Variants in ROBO2 observed in about 807,000 individuals in gnomAD.
ROBO2 encodes roundabout homolog 2.
A neutral mutation model predicts 160.8 loss-of-function variants in ROBO2; 53 were observed. The ratio of observed to expected loss-of-function variants is 0.33; its 90% CI spans 0.26 to 0.41. The LOEUF is 0.41. Among genes scored for constraint, ROBO2 ranks in the 10% least tolerant of loss-of-function variants. The pLI, the probability that ROBO2 is intolerant of heterozygous loss-of-function variation, is 1.00. For synonymous variants in ROBO2, 664 were observed against 611.7 expected (o/e 1.09, Z -1.26); for missense variants, 1,577 against 1,722.4 (o/e 0.92, Z 1.49).
At chr3:76,622,294 GAAAGAAAGAAA>G (rs2089263595) in intron 2 of ROBO2, among the ~76,000 whole-genome samples, 1 of 111,546 alleles carries the variant, frequency 9.0e-6, no homozygotes, top group Non-Finnish European at 1.9e-5. Context: ...AAGAAAGAAA[GAAAGAAAGAAA>G]GAAAGAAAAC....
At chr3:76,732,814 A>T (rs949503810) in intron 2 of ROBO2, among the ~76,000 whole-genome samples, 1 of 152,196 alleles carries the variant, frequency 6.6e-6, no homozygotes, top group Admixed American at 6.5e-5. Context: ...ACTTCTGTAT[A>T]TATGGCCAAT....
intron 2 of ROBO2, among the ~76,000 whole-genome samples, chr3:75,946,516 G>A (rs1479715478): frequency 6.6e-6 from 1 of 152,082 alleles, no homozygotes; most frequent in African/African-American, 2.4e-5. Flanking sequence ...AAGATTACAT[G>A]TGGTAACATG....
chr3:76,091,292 A>G (rs930166848), intron 2 of ROBO2, among the ~76,000 whole-genome samples: 14 of 152,224 alleles, frequency 9.2e-5, no homozygotes, highest in Non-Finnish European at 1.0e-4. Context: ...ACACCTCACT[A>G]AAGAAGATAT....
intron 2 of ROBO2, among the ~76,000 whole-genome samples, chr3:76,277,552 G>C (rs1251941496): frequency 6.6e-6 from 1 of 151,910 alleles, no homozygotes; most frequent in Admixed American, 6.6e-5. Flanking sequence ...AAGAAGCAAG[G>C]AGGGGGCAAA....
intron 2 of ROBO2, among the ~76,000 whole-genome samples, chr3:76,860,505 AT>A (rs1172218046): frequency 6.6e-6 from 1 of 151,878 alleles, no homozygotes; most frequent in Admixed American, 6.6e-5. Flanking sequence ...TTGTTTTTTA[AT>A]TGCTTATGTC....
chr3:76,685,111 A>G (rs1039709565), intron 2 of ROBO2, among the ~76,000 whole-genome samples: 4 of 151,866 alleles, frequency 2.6e-5, no homozygotes, highest in Non-Finnish European at 5.9e-5. Context: ...TGGTATAACC[A>G]TAACTAATTC....
At chr3:76,002,744 A>G (rs1054522162) in intron 2 of ROBO2, among the ~76,000 whole-genome samples, 6 of 152,150 alleles carry the variant, frequency 3.9e-5, no homozygotes, top group African/African-American at 1.4e-4. Flanking sequence ...AAACACCCAA[A>G]GCTTCAAGAC....
chr3:76,193,141 C>T (rs1339274539), intron 2 of ROBO2, among the ~76,000 whole-genome samples: 1 of 152,110 alleles, frequency 6.6e-6, no homozygotes, highest in Non-Finnish European at 1.5e-5. Flanking sequence ...CTTCTTTCTC[C>T]ACCCATCAGT....
intron 2 of ROBO2, among the ~76,000 whole-genome samples, chr3:76,718,353 T>C (rs936387638): frequency 2.6e-5 from 4 of 152,228 alleles, no homozygotes; most frequent in Non-Finnish European, 5.9e-5. Flanking sequence ...TTCTCACCGA[T>C]GAATTTTACA....
intron 2 of ROBO2, among the ~76,000 whole-genome samples, chr3:77,408,051 T>A (rs898123530): frequency 7.2e-5 from 11 of 151,948 alleles, no homozygotes; most frequent in African/African-American, 2.7e-4. Context: ...ATTATGCATT[T>A]GGATGTGTAT....
chr3:77,488,199 G>T (rs896863704), intron 4 of ROBO2, among the ~76,000 whole-genome samples: 1 of 152,108 alleles, frequency 6.6e-6, no homozygotes, highest in African/African-American at 2.4e-5. Context: ...AAACACACTG[G>T]CAAACAACAC....
rs1169307424 is a variant in ROBO2 at position 76,677,958 on chromosome 3, CTTTTTTTTTTTTTTT to C, written c.110-420041_110-420027del. On this transcript the variant is annotated intron_variant, in intron 2 of 26. Transcript: ENST00000487694. ...TTCTCTCACAGAGAAAGAAAATATG[CTTTTTTTTTTTTTTT>C]TTTTTTTTTTTTTTGAGATAGAGTC... is the stretch of plus-strand genomic sequence containing the variant. Among the ~76,000 whole-genome samples the C allele has an allele frequency of 1.2e-3, 36 of 29,398 alleles. 1 individual carries two copies. Among genetic ancestry groups the C allele is most frequent in the African/African-American group, 4.4e-3 (34 of 7,664 alleles). The allele number at this position is 29,398 out of a possible 152,430, so 19.3% of individuals were successfully genotyped here.
intron 24 of ROBO2, among the ~76,000 whole-genome samples, chr3:77,637,600 TA>T (rs2095285803): frequency 6.6e-6 from 1 of 152,208 alleles, no homozygotes; most frequent in Admixed American, 6.5e-5. Flanking sequence ...AGTGTTCATC[TA>T]ATTCTTCGTA....
chr3:77,562,830 G>A (rs1028572031), intron 10 of ROBO2, 98 bp downstream of exon 11: 3 of 910,052 alleles, frequency 3.3e-6, no homozygotes, highest in African/African-American at 1.6e-5. Flanking sequence ...TTAATTCACT[G>A]AATGTAAATT....
At chr3:76,918,103 G>C (rs1420715504) in intron 2 of ROBO2, among the ~76,000 whole-genome samples, 1 of 152,110 alleles carries the variant, frequency 6.6e-6, no homozygotes, top group Non-Finnish European at 1.5e-5. Context: ...AATAAAATAT[G>C]AACTATATTG....
At chr3:76,115,101 C>T (rs1458083979) in intron 2 of ROBO2, among the ~76,000 whole-genome samples, 1 of 152,084 alleles carries the variant, frequency 6.6e-6, no homozygotes, top group Non-Finnish European at 1.5e-5. Context: ...GGTTAGAACT[C>T]AACTTCGCAT....
intron 2 of ROBO2, among the ~76,000 whole-genome samples, chr3:76,538,859 C>T (rs548640212): frequency 3.9e-5 from 6 of 152,242 alleles, no homozygotes; most frequent in East Asian, 1.9e-4. Context: ...GAAAACCAAA[C>T]ATTTTACATT....
intron 2 of ROBO2, among the ~76,000 whole-genome samples, chr3:77,428,294 T>C (rs942848896): frequency 6.6e-6 from 1 of 151,604 alleles, no homozygotes; most frequent in Non-Finnish European, 1.5e-5. Flanking sequence ...ATACATAAAA[T>C]GTAATATTTT....
intron 1 of ROBO2, among the ~76,000 whole-genome samples, chr3:75,917,610 A>G (rs1946865750): frequency 6.6e-6 from 1 of 152,208 alleles, no homozygotes; most frequent in Admixed American, 6.5e-5. Context: ...AGGAATCACC[A>G]CATTGTCTTC....
Sources: allele counts gnomAD v4.1 joint callset (sites outside exome capture counted in the v4.1 genomes callset), GRCh38; gene constraint gnomAD v4.1.1; transcripts MANE v1.5; gene names NCBI Gene and HGNC (gene_info 2026-07-23, HGNC 2026-07-21).